The following CYTH3 variants were observed in gnomAD, a reference collection of about 807,000 sequenced individuals.
CYTH3 encodes cytohesin 3, also known as cytohesin-3.
Under a neutral mutation model 55.1 loss-of-function variants are expected in CYTH3, and 23 were observed. The observed-to-expected ratio is 0.42, with a 90% CI of 0.30 to 0.59. The LOEUF is 0.59. Among genes scored for constraint, CYTH3 ranks in the 20% least tolerant of loss-of-function variants. The pLI, the probability that CYTH3 is intolerant of heterozygous loss-of-function variation, is 0.20. For missense variants in CYTH3, 413 were observed against 524.8 expected (o/e 0.79, Z 2.08); for synonymous variants, 249 against 194.9 (o/e 1.28, Z -2.31).
In CYTH3 at chr7:6,162,027, G is replaced by C. The variant is rs1782838410; in HGVS notation, c.*2917C>G. ...TTCTAAGAAAAAAAGTCAATTTGTG[G>C]TTTCTGGTCTACCACAGACCTAACT... is the stretch of plus-strand genomic sequence containing the variant. On this transcript the variant is annotated 3_prime_UTR_variant, in exon 13 of 13. Coordinates refer to ENST00000350796, the MANE Select transcript of CYTH3 (RefSeq NM_004227.4). 1 of 152,616 alleles carries C rather than the reference G, an allele frequency of 6.6e-6. No homozygotes were observed. The allele number at this position is 152,616 out of a possible 1,614,324, so 9.5% of individuals were successfully genotyped here.
At chr7:6,168,484 C>T (rs968416558) in intron 9 of CYTH3, among the ~76,000 whole-genome samples, 1 of 152,122 alleles carries the variant, frequency 6.6e-6, no homozygotes, top group African/African-American at 2.4e-5. Context: ...CCTGGCTCGC[C>T]AGCCTTTGGT....
chr7:6,190,666 C>G (rs768070772), intron 1 of CYTH3, 135 bp from the exon 2 acceptor site: 22 of 657,784 alleles, frequency 3.3e-5, no homozygotes, highest in East Asian at 1.2e-4. Flanking sequence ...CCCATTGAGA[C>G]TGTATCTGAG....
chr7:6,255,758 GTTTTTTTT>G (rs397889923), intron 1 of CYTH3, among the ~76,000 whole-genome samples: 1 of 89,404 alleles, frequency 1.1e-5, no homozygotes, highest in Non-Finnish European at 2.1e-5. Context: ...CCTTTAATCT[GTTTTTTTT>G]TTTTTTTTTT....
chr7:6,204,425 G>C (rs1356508280), intron 1 of CYTH3, among the ~76,000 whole-genome samples: 2 of 152,162 alleles, frequency 1.3e-5, no homozygotes, highest in Non-Finnish European at 2.9e-5. Flanking sequence ...ATTCAAAAGA[G>C]AGCAGTGAAG....
intron 1 of CYTH3, among the ~76,000 whole-genome samples, chr7:6,254,746 G>C (rs550255410): frequency 1.3e-5 from 2 of 152,196 alleles, no homozygotes; most frequent in Non-Finnish European, 2.9e-5. Context: ...CATCGCACCT[G>C]CCCATGTTTG....
At chr7:6,214,751 C>A (rs1035109064) in intron 1 of CYTH3, among the ~76,000 whole-genome samples, 4 of 152,024 alleles carry the variant, frequency 2.6e-5, no homozygotes, top group African/African-American at 9.7e-5. Context: ...TCTCATCTAA[C>A]CTAAAGGACA....
intron 1 of CYTH3, among the ~76,000 whole-genome samples, chr7:6,238,484 G>A (rs1779584471): frequency 1.3e-5 from 2 of 152,186 alleles, no homozygotes; most frequent in South Asian, 4.1e-4. Flanking sequence ...TAAGCTGTAT[G>A]CTTAGTAAAT....
At chr7:6,266,369 G>C (rs1196590593) in intron 1 of CYTH3, among the ~76,000 whole-genome samples, 5 of 152,088 alleles carry the variant, frequency 3.3e-5, no homozygotes, top group African/African-American at 1.2e-4. Flanking sequence ...ATATGATGAA[G>C]AGTCAATAAA....
chr7:6,249,655 C>G (rs985704136), intron 1 of CYTH3, among the ~76,000 whole-genome samples: 21 of 152,322 alleles, frequency 1.4e-4, no homozygotes, highest in Admixed American at 2.6e-4. Flanking sequence ...TTTGTAGTTT[C>G]CTTCCAAAAG....
At chr7:6,256,323 G>C (rs1780103600) in intron 1 of CYTH3, among the ~76,000 whole-genome samples, 1 of 152,210 alleles carries the variant, frequency 6.6e-6, no homozygotes, top group Non-Finnish European at 1.5e-5. Context: ...CCCATTTGTG[G>C]AACTCCCAGG....
At chr7:6,193,101 A>ACG (rs1783842680) in intron 1 of CYTH3, among the ~76,000 whole-genome samples, 2 of 151,962 alleles carry the variant, frequency 1.3e-5, no homozygotes, top group African/African-American at 4.8e-5. Flanking sequence ...GAAACAGGAA[A>ACG]GCAAAGGTTG....
intron 1 of CYTH3, among the ~76,000 whole-genome samples, chr7:6,234,748 T>C (rs959650706): frequency 1.3e-5 from 2 of 152,144 alleles, no homozygotes; most frequent in Non-Finnish European, 2.9e-5. Flanking sequence ...GCTAACCCCT[T>C]TGAACAAGAT....
intron 1 of CYTH3, among the ~76,000 whole-genome samples, chr7:6,196,958 A>G (rs965417649): frequency 6.6e-6 from 1 of 152,170 alleles, no homozygotes; most frequent in Non-Finnish European, 1.5e-5. Context: ...CTTTAATTCA[A>G]GCATCGGCAT....
chr7:6,166,276 G>A lies in CYTH3; in HGVS notation c.824-466C>T, dbSNP rs184061672. 5.9e-5 allele frequency among the ~76,000 whole-genome samples: 9 copies of A among 152,352 alleles called. No individual in the cohort carries two copies. The South Asian group carries it at 1.0e-3, about 18-fold the overall frequency. On this transcript the variant is annotated intron_variant, in intron 9 of 12. Coordinates refer to ENST00000350796, the MANE Select transcript of CYTH3 (RefSeq NM_004227.4). ...AATTAATTTTGTAACAAGATCTGGA[G>A]CACACGTGCACACGCACGTACCCCC... is the stretch of plus-strand genomic sequence containing the variant.
At chr7:6,165,093 C>T (rs1782949840) in intron 12 of CYTH3, 77 bp from the exon 13 acceptor site, 22 of 1,595,232 alleles carry the variant, frequency 1.4e-5, no homozygotes, top group Non-Finnish European at 1.9e-5. Context: ...GCCCCAGAGG[C>T]CCCTCAGACA....
At chr7:6,182,214 A>T (rs752843678) in intron 4 of CYTH3, among the ~76,000 whole-genome samples, 1 of 151,722 alleles carries the variant, frequency 6.6e-6, no homozygotes, top group African/African-American at 2.4e-5. Context: ...TACCCAGCTA[A>T]TTTTTTTCTA....
chr7:6,226,141 T>A (rs13245132), intron 1 of CYTH3, among the ~76,000 whole-genome samples: 2 of 152,152 alleles, frequency 1.3e-5, no homozygotes, highest in Admixed American at 1.3e-4. Flanking sequence ...AAATTAAAAA[T>A]AAAAAGCAAT....
chr7:6,203,705 A>ACTG (rs1046543832), intron 1 of CYTH3, among the ~76,000 whole-genome samples: 6 of 151,698 alleles, frequency 4.0e-5, no homozygotes, highest in Non-Finnish European at 5.9e-5. Context: ...TGACCAACTT[A>ACTG]CTGTACTCAT....
chr7:6,165,295 C>A lies in CYTH3; in HGVS notation c.1105G>T (p.Glu369Ter). Residue 369 changes from glutamate to a stop codon, truncating the protein, a stop_gained, in exon 12 of 13, where the codon GAG becomes TAG. Coordinates refer to ENST00000350796, the MANE Select transcript of CYTH3 (RefSeq NM_004227.4). LOFTEE classifies it high-confidence loss of function. ...CACTTGATGGATTTCATCCACTCCT[C>A]CTTCTCCTCCGGGCTCGGGGCTGAG... Reference protein sequence around the residue: ...RISAPSPEEKEEWMKSIKASI... With the variant: ...RISAPSPEEK The A allele has an allele frequency of 1.2e-6, 2 of 1,613,408 alleles. No homozygotes were observed. Among genetic ancestry groups the A allele is most frequent in the Non-Finnish European group, 1.7e-6 (2 of 1,179,746 alleles).
Sources: gnomAD v4.1 joint callset for allele counts (sites outside exome capture counted in the v4.1 genomes callset) on GRCh38, gnomAD v4.1.1 for gene constraint, MANE v1.5 for transcripts, NCBI Gene and HGNC (gene_info 2026-07-23, HGNC 2026-07-21) for gene names.